EFCAB5: variants seen among roughly 807,000 people sequenced by gnomAD.
EFCAB5 encodes the protein EF-hand calcium binding domain 5.
In EFCAB5, 131 loss-of-function variants were observed where a neutral mutation model predicts 167.9. That is an observed-to-expected ratio of 0.78 (90% CI 0.68 to 0.90). The LOEUF is 0.90. Ranked by LOEUF, EFCAB5 falls within the 40% of genes least tolerant of loss-of-function variation. The pLI is 0.00. For synonymous variants in EFCAB5, 574 were observed against 602.8 expected (o/e 0.95, Z 0.70); for missense variants, 1,663 against 1,745.2 (o/e 0.95, Z 0.84).
At chr17:30,062,801 A>G (rs1031413357) in intron 14 of EFCAB5, among the ~76,000 whole-genome samples, 12 of 152,094 alleles carry the variant, frequency 7.9e-5, no homozygotes, top group Admixed American at 5.9e-4. Flanking sequence ...CGCTCCCTTC[A>G]TTCCCTTGGG....
intron 7 of EFCAB5, among the ~76,000 whole-genome samples, chr17:30,015,108 A>C (rs1329699521): frequency 6.6e-6 from 1 of 152,128 alleles, no homozygotes; most frequent in African/African-American, 2.4e-5. Flanking sequence ...CTTTTCTTTA[A>C]GAATGTTGAA....
At chr17:29,975,522 G>T (rs914373015) in intron 4 of EFCAB5, among the ~76,000 whole-genome samples, 2 of 152,130 alleles carry the variant, frequency 1.3e-5, no homozygotes, top group African/African-American at 4.8e-5. Context: ...CTCCCAAAGT[G>T]CTGGAATTAC....
At chr17:30,082,168 G>C (rs1443100893) in intron 17 of EFCAB5, among the ~76,000 whole-genome samples, 5 of 152,128 alleles carry the variant, frequency 3.3e-5, no homozygotes, top group African/African-American at 1.2e-4. Context: ...GATGATAGTG[G>C]CCATGTCTGC....
chr17:29,980,096 G>T (rs1349396902), intron 4 of EFCAB5, among the ~76,000 whole-genome samples: 1 of 152,182 alleles, frequency 6.6e-6, no homozygotes, highest in Non-Finnish European at 1.5e-5. Context: ...TTGACCCCGG[G>T]AGGCGGAGGT....
chr17:30,057,738 A>G lies in EFCAB5; in HGVS notation c.2428A>G (p.Asn810Asp), dbSNP rs1381647991. 3.1e-6 allele frequency: 5 copies of G among 1,613,872 alleles called. No individual in the cohort carries two copies. Among genetic ancestry groups the G allele is most frequent in the Non-Finnish European group, 3.4e-6 (4 of 1,179,782 alleles). Residue 810 changes from asparagine (N) to aspartate (D), a missense_variant, in exon 13 of 23, where the codon AAT (asparagine) becomes GAT (aspartate). Transcript: ENST00000394835. ...GGAGGTAAAAGGCAGAACTGCCTTCAATGGAGTTTCATTCAATCTGCTCCA... is the reference window on the plus strand; with the variant it reads ...GGAGGTAAAAGGCAGAACTGCCTTCGATGGAGTTTCATTCAATCTGCTCCA... The part of the protein sequence containing the change: ...CKEVKGRTAF[N>D]GVSFNLLQFV...
intron 3 of EFCAB5, among the ~76,000 whole-genome samples, chr17:29,952,294 G>T (rs1465804779): frequency 6.6e-6 from 1 of 152,110 alleles, no homozygotes; most frequent in Non-Finnish European, 1.5e-5. Context: ...TTCCCTAAAG[G>T]TACCACCTTT....
intron 22 of EFCAB5, among the ~76,000 whole-genome samples, chr17:30,100,580 T>C (rs2071368317): frequency 6.6e-6 from 1 of 152,000 alleles, no homozygotes; most frequent in African/African-American, 2.4e-5. Flanking sequence ...CCAGCCTGGC[T>C]AACATGTGAA....
rs2067673115 is a variant in EFCAB5 at position 29,959,144 on chromosome 17, A to G, written c.191-9647A>G. ...GTCTCACCCAAGGCCTTTGGTAACT[A>G]TTGTCTGGCTACTGCTGATGTTTAT... On this transcript the variant is annotated intron_variant, in intron 3 of 22. Transcript: ENST00000394835. Among the ~76,000 whole-genome samples the G allele has an allele frequency of 2.0e-5, 3 of 151,572 alleles. No homozygotes were observed. In the South Asian group the frequency reaches 6.2e-4, roughly 32 times the overall value.
At chr17:30,009,791 G>A (rs1597661713) in intron 7 of EFCAB5, among the ~76,000 whole-genome samples, 1 of 151,816 alleles carries the variant, frequency 6.6e-6, no homozygotes, top group Admixed American at 6.6e-5. Flanking sequence ...ACCTTTTGAG[G>A]AACTGCCAGA....
At chr17:30,096,546 C>T (rs976127258) in intron 22 of EFCAB5, among the ~76,000 whole-genome samples, 3 of 149,830 alleles carry the variant, frequency 2.0e-5, no homozygotes, top group African/African-American at 4.9e-5. Context: ...TAGTGGATAC[C>T]GTCTCTAGAA....
chr17:29,945,276 T>C (rs1320563586), intron 3 of EFCAB5, among the ~76,000 whole-genome samples: 1 of 151,948 alleles, frequency 6.6e-6, no homozygotes, highest in Non-Finnish European at 1.5e-5. Context: ...AAACTATAAA[T>C]TGATATATAG....
In EFCAB5 at chr17:29,996,380, T is replaced by C; in HGVS notation, c.973+20T>C. On this transcript the variant is annotated intron_variant, in intron 6 of 22. Coordinates refer to ENST00000394835, the MANE Select transcript of EFCAB5 (RefSeq NM_198529.4). The stretch of plus-strand genomic sequence containing the variant: ...AGCTTGGTAAGTCTGCCTATTACTC[T>C]GATATTTTTATTTTTATTTCTTTTT... The C allele has an allele frequency of 6.5e-7, 1 of 1,530,902 alleles. No individual in the cohort carries two copies. Among genetic ancestry groups the C allele is most frequent in the East Asian group, 2.4e-5 (1 of 40,854 alleles). 94.8% of individuals were successfully genotyped at this position (1,530,902 alleles called of 1,614,324 possible).
intron 7 of EFCAB5, among the ~76,000 whole-genome samples, chr17:30,032,975 CT>C (rs2069517364): frequency 6.6e-6 from 1 of 152,166 alleles, no homozygotes; most frequent in Non-Finnish European, 1.5e-5. Flanking sequence ...AGTGTTCCCC[CT>C]GGTTCAATCA....
chr17:30,106,975 T>C (rs918872635), intron 22 of EFCAB5, among the ~76,000 whole-genome samples: 2 of 152,220 alleles, frequency 1.3e-5, no homozygotes, highest in South Asian at 2.1e-4. Context: ...TTTTGTTTTA[T>C]GGAAGAAGAA....
At chr17:29,980,266 C>T (rs897568503) in intron 4 of EFCAB5, among the ~76,000 whole-genome samples, 1 of 152,114 alleles carries the variant, frequency 6.6e-6, no homozygotes, top group African/African-American at 2.4e-5. Flanking sequence ...GTGAGCTATA[C>T]CTTATAGGGA....
chr17:29,961,766 T>C (rs2067724561), intron 3 of EFCAB5, among the ~76,000 whole-genome samples: 1 of 152,190 alleles, frequency 6.6e-6, no homozygotes. Flanking sequence ...TTTGTTTTTT[T>C]AATTTTTTGT....
At chr17:29,970,174 A>G (rs1408202262) in intron 4 of EFCAB5, among the ~76,000 whole-genome samples, 3 of 152,194 alleles carry the variant, frequency 2.0e-5, no homozygotes, top group Admixed American at 1.3e-4. Flanking sequence ...AGTGGTCCCA[A>G]TAAGAGTTGA....
chr17:29,964,667 T>A (rs1393655491), intron 3 of EFCAB5, among the ~76,000 whole-genome samples: 1 of 152,154 alleles, frequency 6.6e-6, no homozygotes, highest in Non-Finnish European at 1.5e-5. Context: ...TTTCTGATTT[T>A]GGTTATTTAT....
At chr17:30,039,861 C>G (rs1221740949) in intron 8 of EFCAB5, among the ~76,000 whole-genome samples, 3 of 152,180 alleles carry the variant, frequency 2.0e-5, no homozygotes, top group African/African-American at 2.4e-5. Context: ...TCTCCACCTC[C>G]TACAACTGCC....
Sources: gnomAD v4.1 joint callset for allele counts (sites outside exome capture counted in the v4.1 genomes callset) on GRCh38, gnomAD v4.1.1 for gene constraint, MANE v1.5 for transcripts, NCBI Gene and HGNC (gene_info 2026-07-23, HGNC 2026-07-21) for gene names.